Variants in PAFAH1B1 observed in about 807,000 individuals in gnomAD.
The protein encoded by PAFAH1B1 is platelet activating factor acetylhydrolase 1b regulatory subunit 1, also known as platelet-activating factor acetylhydrolase IB subunit beta.
Under a neutral mutation model 57.5 loss-of-function variants are expected in PAFAH1B1, and 2 were observed. The observed-to-expected ratio is 0.03, with a 90% CI of 0.01 to 0.11. PAFAH1B1 has a LOEUF of 0.11. Ranked by LOEUF, PAFAH1B1 falls within the 10% of genes least tolerant of loss-of-function variation. The pLI is 1.00. For synonymous variants in PAFAH1B1, 152 were observed against 169.6 expected (o/e 0.90, Z 0.81); for missense variants, 257 against 512.0 (o/e 0.50, Z 4.81).
intron 1 of PAFAH1B1, among the ~76,000 whole-genome samples, chr17:2,597,396 TC>T (rs929229552): frequency 1.4e-5 from 2 of 145,410 alleles, no homozygotes; most frequent in East Asian, 2.0e-4. Flanking sequence ...AGCTAGAACA[TC>T]CGTGTCTTTT....
At position 2,654,045 on chromosome 17, in the gene PAFAH1B1, G is replaced by A. The variant is rs183351555; in HGVS notation, c.33-11327G>A. 1.3e-4 allele frequency among the ~76,000 whole-genome samples: 20 copies of A among 152,108 alleles called. No individual in the cohort carries two copies. The East Asian group carries it at 3.9e-3, about 29-fold the overall frequency. ...GATGGTCTCAATCTCCTGACCTGGTGATACACCCGCCTCGGCCTCCAAAAG... is the reference window on the plus strand; with the variant it reads ...GATGGTCTCAATCTCCTGACCTGGTAATACACCCGCCTCGGCCTCCAAAAG... On this transcript the variant is annotated intron_variant, in intron 2 of 10. Transcript: ENST00000397195.
At chr17:2,613,668 G>A (rs773274450) in intron 1 of PAFAH1B1, 7 of 287,204 alleles carry the variant, frequency 2.4e-5, no homozygotes, top group African/African-American at 1.6e-4. Flanking sequence ...CCAGACAGCC[G>A]CCCCTCCGCG....
chr17:2,629,293 CATT>C (rs1160632211), intron 1 of PAFAH1B1, among the ~76,000 whole-genome samples: 2 of 152,038 alleles, frequency 1.3e-5, no homozygotes, highest in Non-Finnish European at 2.9e-5. Flanking sequence ...TAGGGTGTGT[CATT>C]ATTGTCATTC....
At chr17:2,621,063 A>G (rs1406194268) in intron 1 of PAFAH1B1, among the ~76,000 whole-genome samples, 1 of 152,202 alleles carries the variant, frequency 6.6e-6, no homozygotes, top group Non-Finnish European at 1.5e-5. Flanking sequence ...ATGAATAGTC[A>G]TACATATTAA....
rs756443284 is a variant in PAFAH1B1, at chr17:2,667,082, A to G, written c.283A>G (p.Ile95Val). The G allele has an allele frequency of 1.7e-5, 28 of 1,613,958 alleles. No homozygotes were observed. Among genetic ancestry groups the G allele is most frequent in the Non-Finnish European group, 1.3e-5 (15 of 1,179,846 alleles). ...LGQKRDPKEW[I>V]PRPPEKYALS... ...TCAGAAACGAGACCCAAAAGAATGG[A>G]TTCCCCGTCCGCCAGAAAAATATGC... The change falls in exon 5 of 11, where the codon ATT (isoleucine) becomes GTT (valine). Residue 95 changes from isoleucine to valine, a missense_variant. Coordinates refer to ENST00000397195, the MANE Select transcript of PAFAH1B1 (RefSeq NM_000430.4).
intron 7 of PAFAH1B1, 89 bp downstream of exon 7, chr17:2,672,846 G>A: frequency 3.8e-6 from 3 of 794,496 alleles, no homozygotes; most frequent in Non-Finnish European, 6.6e-6. Flanking sequence ...AAGGTGGGCA[G>A]ATCACCTGGT....
At chr17:2,605,769 A>T (rs1200000432) in intron 1 of PAFAH1B1, among the ~76,000 whole-genome samples, 1 of 152,150 alleles carries the variant, frequency 6.6e-6, no homozygotes, top group East Asian at 1.9e-4. Context: ...AGCGTATATA[A>T]AATGTATTAT....
At chr17:2,603,464 TAAA>T (rs1398558610) in intron 1 of PAFAH1B1, among the ~76,000 whole-genome samples, 1 of 151,852 alleles carries the variant, frequency 6.6e-6, no homozygotes, top group Non-Finnish European at 1.5e-5. Flanking sequence ...CTACTAAAAA[TAAA>T]AAAATTAGCT....
At chr17:2,664,672 C>CTCTCTCTCTCTCTCTA (rs1174530721) in intron 2 of PAFAH1B1, among the ~76,000 whole-genome samples, 106 of 112,570 alleles carry the variant, frequency 9.4e-4, no homozygotes, top group Non-Finnish European at 2.0e-3. Context: ...ATCGCTCTCT[C>CTCTCTCTCTCTCTCTA]TCTCTCTCTC....
At chr17:2,668,469 T>C (rs932537126) in intron 5 of PAFAH1B1, among the ~76,000 whole-genome samples, 1 of 150,562 alleles carries the variant, frequency 6.6e-6, no homozygotes, top group Non-Finnish European at 1.5e-5. Flanking sequence ...GGAGGACTGC[T>C]TGAGCTCAGG....
intron 1 of PAFAH1B1, among the ~76,000 whole-genome samples, chr17:2,618,597 T>G (rs2068377587): frequency 6.6e-6 from 1 of 152,100 alleles, no homozygotes; most frequent in African/African-American, 2.4e-5. Context: ...AAGAAATTAT[T>G]TGACTGCATT....
At chr17:2,608,826 A>G (rs111821126) in intron 1 of PAFAH1B1, among the ~76,000 whole-genome samples, 2,217 of 152,292 alleles carry the variant, frequency 0.015, 67 homozygotes, top group African/African-American at 0.051. Flanking sequence ...TAAATAAAAT[A>G]TTTGTTCTTT....
intron 2 of PAFAH1B1, among the ~76,000 whole-genome samples, chr17:2,648,404 T>C (rs1884800994): frequency 6.6e-6 from 1 of 152,036 alleles, no homozygotes; most frequent in Non-Finnish European, 1.5e-5. Flanking sequence ...TGGCCGGGCA[T>C]GGTGGCTCAC....
chr17:2,628,688 A>T (rs1269944186), intron 1 of PAFAH1B1, among the ~76,000 whole-genome samples: 1 of 152,080 alleles, frequency 6.6e-6, no homozygotes, highest in Non-Finnish European at 1.5e-5. Context: ...TGAATGTCTG[A>T]TAGAATTCTG....
chr17:2,626,040 C>T (rs571672373), intron 1 of PAFAH1B1, among the ~76,000 whole-genome samples: 1 of 152,194 alleles, frequency 6.6e-6, no homozygotes, highest in African/African-American at 2.4e-5. Flanking sequence ...CACTTGAGGT[C>T]AGGAGTTGGG....
chr17:2,669,014 A>G (rs2069145047), intron 5 of PAFAH1B1, among the ~76,000 whole-genome samples: 1 of 152,144 alleles, frequency 6.6e-6, no homozygotes, highest in Non-Finnish European at 1.5e-5. Context: ...TATTTTACCT[A>G]TTAAATAAGA....
At position 2,677,030 on chromosome 17, in the gene PAFAH1B1, G is replaced by A. The variant is rs1291211808; in HGVS notation, c.1002+424G>A. 2.6e-5 allele frequency among the ~76,000 whole-genome samples: 4 copies of A among 152,298 alleles called. No individual in the cohort carries two copies. The East Asian group carries it at 7.7e-4, about 29-fold the overall frequency. ...TAGCTGGGCGTGGTGGCGGGCGCCT[G>A]TAGTCCCAGCTACTCGGGAGGCTGA... is the stretch of plus-strand genomic sequence containing the variant. On this transcript the variant is annotated intron_variant, in intron 9 of 10. Coordinates refer to ENST00000397195, the MANE Select transcript of PAFAH1B1 (RefSeq NM_000430.4).
At chr17:2,670,137 T>C (rs777600143) in intron 5 of PAFAH1B1, 26 bp from the exon 6 acceptor site, 1 of 1,611,472 alleles carries the variant, frequency 6.2e-7, no homozygotes, top group Non-Finnish European at 8.5e-7. Context: ...GAGTTGGTGT[T>C]AACCAATTTT....
rs554970437 is a variant in PAFAH1B1 at position 2,682,955 on chromosome 17, C to T, written c.*1153C>T. 154 of 152,746 alleles carry T rather than the reference C, an allele frequency of 1.0e-3. No homozygotes were observed. The highest frequency in any genetic ancestry group is 3.2e-3 in the African/African-American group (135 of 41,558). The allele number at this position is 152,746 out of a possible 1,614,324, so 9.5% of individuals were successfully genotyped here. ...AGTGGATAAGTCTGTATGTGTGTAT[C>T]ATACACATCAACCTCCATGTCCTTA... On this transcript the variant is annotated 3_prime_UTR_variant, in exon 11 of 11. Coordinates refer to ENST00000397195, the MANE Select transcript of PAFAH1B1 (RefSeq NM_000430.4).
Sources: gnomAD v4.1 joint callset for allele counts (sites outside exome capture counted in the v4.1 genomes callset) on GRCh38, gnomAD v4.1.1 for gene constraint, MANE v1.5 for transcripts, NCBI Gene and HGNC (gene_info 2026-07-23, HGNC 2026-07-21) for gene names.